The following MACROD2 variants were observed in gnomAD, a reference collection of about 807,000 sequenced individuals.
The protein encoded by MACROD2 is mono-ADP ribosylhydrolase 2, also known as ADP-ribose glycohydrolase MACROD2.
MACROD2 carries 36 observed loss-of-function variants against 70.4 expected under a neutral mutation model. The ratio of observed to expected loss-of-function variants is 0.51; its 90% confidence interval spans 0.39 to 0.68. The LOEUF (loss-of-function observed/expected upper bound fraction) is 0.68, where lower values mean the gene tolerates loss of function less well. MACROD2 is among the 30% of genes least tolerant of loss of function. The pLI is 0.00. For synonymous variants in MACROD2, 172 were observed against 178.8 expected (o/e 0.96, Z 0.30); for missense variants, 496 against 538.4 (o/e 0.92, Z 0.78).
intron 6 of MACROD2, among the ~76,000 whole-genome samples, chr20:15,406,248 G>A (rs1004171684): frequency 1.3e-5 from 2 of 152,174 alleles, no homozygotes; most frequent in Non-Finnish European, 2.9e-5. Flanking sequence ...TGATTACCGT[G>A]CTCAGGGAAA....
intron 3 of MACROD2, among the ~76,000 whole-genome samples, chr20:14,220,437 A>C (rs550276905): frequency 4.6e-5 from 7 of 151,976 alleles, no homozygotes; most frequent in African/African-American, 1.7e-4. Flanking sequence ...GGGCTTGAAA[A>C]CCTGCCCCAG....
At chr20:15,695,411 C>T (rs201474742) in intron 8 of MACROD2, among the ~76,000 whole-genome samples, 6,310 of 115,214 alleles carry the variant, frequency 0.055, 278 homozygotes, top group East Asian at 0.23. Context: ...TCTTCTTCTT[C>T]TTTTTTTTTT....
intron 2 of MACROD2, among the ~76,000 whole-genome samples, chr20:14,010,674 G>C (rs1052279526): frequency 6.8e-6 from 1 of 146,292 alleles, no homozygotes; most frequent in Non-Finnish European, 1.5e-5. Context: ...CTTTCTCATT[G>C]TCTGGCACTG....
intron 5 of MACROD2, among the ~76,000 whole-genome samples, chr20:14,814,507 G>GT (rs35297345): frequency 6.6e-6 from 1 of 151,970 alleles, no homozygotes; most frequent in South Asian, 2.1e-4. Context: ...ATAGTAGATC[G>GT]TTTTTTGGAA....
chr20:15,755,719 T>C (rs1255006557), intron 8 of MACROD2, among the ~76,000 whole-genome samples: 1 of 152,204 alleles, frequency 6.6e-6, no homozygotes, highest in African/African-American at 2.4e-5. Context: ...CCCAACATTG[T>C]GCCTGAAAAC....
At chr20:15,970,623 G>C (rs1029841097) in intron 13 of MACROD2, among the ~76,000 whole-genome samples, 3 of 152,140 alleles carry the variant, frequency 2.0e-5, no homozygotes, top group African/African-American at 7.2e-5. Context: ...ACGTTGAGGA[G>C]ACAGAGGTGA....
intron 3 of MACROD2, among the ~76,000 whole-genome samples, chr20:14,153,017 A>G (rs1324973876): frequency 6.6e-6 from 1 of 152,224 alleles, no homozygotes; most frequent in African/African-American, 2.4e-5. Context: ...TTATAGATAA[A>G]AAATAAATTA....
intron 13 of MACROD2, among the ~76,000 whole-genome samples, chr20:15,984,097 A>G (rs1246059188): frequency 6.7e-6 from 1 of 148,222 alleles, no homozygotes; most frequent in Non-Finnish European, 1.5e-5. Flanking sequence ...GTTTGACCAT[A>G]AGGTAAGATT....
At chr20:14,852,734 A>T (rs1396796634) in intron 5 of MACROD2, among the ~76,000 whole-genome samples, 1 of 152,222 alleles carries the variant, frequency 6.6e-6, no homozygotes, top group Non-Finnish European at 1.5e-5. Context: ...ATACTTGTCC[A>T]GTTGGAAGCA....
chr20:14,093,992 AAT>A (rs2054189093), intron 3 of MACROD2, among the ~76,000 whole-genome samples: 1 of 151,528 alleles, frequency 6.6e-6, no homozygotes, highest in African/African-American at 2.4e-5. Context: ...TTTTTTTTAA[AAT>A]TTTTTTTTTA....
At chr20:15,885,837 A>T in intron 10 of MACROD2, 26 bp downstream of exon 10, 1 of 1,497,374 alleles carries the variant, frequency 6.7e-7, no homozygotes, top group Non-Finnish European at 8.9e-7. Flanking sequence ...TTTTATTATT[A>T]GGGGGTAGGT....
At chr20:15,496,736 C>A (rs1244632890) in intron 7 of MACROD2, among the ~76,000 whole-genome samples, 1 of 152,152 alleles carries the variant, frequency 6.6e-6, no homozygotes, top group Admixed American at 6.5e-5. Flanking sequence ...GAAAGGCCCC[C>A]TGGGGTCATT....
chr20:14,151,914 C>T (rs542528087), intron 3 of MACROD2, among the ~76,000 whole-genome samples: 179 of 149,956 alleles, frequency 1.2e-3, no homozygotes, highest in Admixed American at 4.0e-3. Context: ...CTCTGCCCCC[C>T]GGGTTCATGC....
At chr20:15,380,301 A>G (rs1160551353) in intron 6 of MACROD2, among the ~76,000 whole-genome samples, 1 of 152,190 alleles carries the variant, frequency 6.6e-6, no homozygotes, top group Non-Finnish European at 1.5e-5. Flanking sequence ...TACAAAGTGA[A>G]CAAGAGGAAA....
At chr20:15,582,545 G>C (rs536307861) in intron 8 of MACROD2, among the ~76,000 whole-genome samples, 1 of 152,144 alleles carries the variant, frequency 6.6e-6, no homozygotes, top group South Asian at 2.1e-4. Flanking sequence ...ATATATACTT[G>C]GCAAGAAATG....
intron 9 of MACROD2, among the ~76,000 whole-genome samples, chr20:15,883,485 C>T (rs2064783668): frequency 6.6e-6 from 1 of 151,830 alleles, no homozygotes; most frequent in Admixed American, 6.6e-5. Flanking sequence ...AAAATATTTC[C>T]ATGGTAAAAA....
chr20:14,594,148 A>G (rs1037989246), intron 4 of MACROD2, among the ~76,000 whole-genome samples: 1 of 152,156 alleles, frequency 6.6e-6, no homozygotes, highest in African/African-American at 2.4e-5. Flanking sequence ...GTTGTAAGGA[A>G]CTGCAAGGAC....
chr20:15,914,623 C>T (rs540487489), intron 10 of MACROD2, among the ~76,000 whole-genome samples: 1 of 152,186 alleles, frequency 6.6e-6, no homozygotes, highest in Non-Finnish European at 1.5e-5. Flanking sequence ...ATACTTCTAA[C>T]ATCAAATATG....
At chr20:14,658,241 A>T (rs921071276) in intron 4 of MACROD2, among the ~76,000 whole-genome samples, 9 of 152,176 alleles carry the variant, frequency 5.9e-5, no homozygotes, top group Admixed American at 6.5e-5. Context: ...TGCCCTGATT[A>T]ATTATTCTTT....
Sources: gnomAD v4.1 joint callset for allele counts (sites outside exome capture counted in the v4.1 genomes callset) on GRCh38, gnomAD v4.1.1 for gene constraint, MANE v1.5 for transcripts, NCBI Gene and HGNC (gene_info 2026-07-23, HGNC 2026-07-21) for gene names.